Variants in NKAIN3 observed in about 807,000 individuals in gnomAD.
NKAIN3 encodes sodium/potassium transporting ATPase interacting 3.
A neutral mutation model predicts 30.2 loss-of-function variants in NKAIN3; 25 were observed. The observed-to-expected ratio is 0.83, with a 90% CI of 0.60 to 1.16. NKAIN3 has a LOEUF of 1.16. NKAIN3 is among the 50% of genes most tolerant of loss of function. The probability of loss-of-function intolerance (pLI) is 0.00; values close to 1 mark genes in which losing one functional copy is unlikely to be tolerated. For synonymous variants in NKAIN3, 91 were observed against 89.6 expected (o/e 1.02, Z -0.09); for missense variants, 225 against 254.1 (o/e 0.89, Z 0.78).
At chr8:62,770,448 G>A (rs1294217266) in intron 4 of NKAIN3, among the ~76,000 whole-genome samples, 1 of 152,128 alleles carries the variant, frequency 6.6e-6, no homozygotes, top group Non-Finnish European at 1.5e-5. Flanking sequence ...CTAAGATCAA[G>A]GTACCAGCAG....
At chr8:62,821,713 T>C (rs954651445) in intron 4 of NKAIN3, among the ~76,000 whole-genome samples, 3 of 152,152 alleles carry the variant, frequency 2.0e-5, no homozygotes, top group African/African-American at 4.8e-5. Context: ...AAATATGACA[T>C]ATAAGCTTGC....
chr8:62,600,868 C>T (rs982946373), intron 3 of NKAIN3, among the ~76,000 whole-genome samples: 4 of 152,088 alleles, frequency 2.6e-5, no homozygotes, highest in East Asian at 1.9e-4. Flanking sequence ...AGTTCTTCCT[C>T]TTCAAGGCTC....
At chr8:62,519,264 G>A (rs1002461626) in intron 1 of NKAIN3, among the ~76,000 whole-genome samples, 3 of 152,070 alleles carry the variant, frequency 2.0e-5, no homozygotes, top group Non-Finnish European at 4.4e-5. Flanking sequence ...TTCTCATGAT[G>A]ATTCATTAGA....
intron 1 of NKAIN3, among the ~76,000 whole-genome samples, chr8:62,252,456 A>T (rs1002848363): frequency 6.6e-6 from 1 of 152,192 alleles, no homozygotes; most frequent in Non-Finnish European, 1.5e-5. Context: ...ATCCTTTTCA[A>T]GCTAGTATCT....
At chr8:62,344,489 CTAGA>C (rs1385711802) in intron 1 of NKAIN3, among the ~76,000 whole-genome samples, 1 of 151,958 alleles carries the variant, frequency 6.6e-6, no homozygotes, top group Non-Finnish European at 1.5e-5. Context: ...CCTTATTTAG[CTAGA>C]TAGCTTAATA....
At chr8:62,948,994 T>C (rs1823204860) in intron 5 of NKAIN3, among the ~76,000 whole-genome samples, 1 of 152,192 alleles carries the variant, frequency 6.6e-6, no homozygotes, top group South Asian at 2.1e-4. Context: ...AGCATTTCCA[T>C]AAGAGAAGGG....
Position 62,923,564 on chromosome 8 carries a change from G to A in NKAIN3, c.532+5051G>A, listed in dbSNP as rs151055340. 1.1e-3 allele frequency among the ~76,000 whole-genome samples: 162 copies of A among 152,216 alleles called. 1 individual carries two copies. The highest frequency in any genetic ancestry group is 3.5e-3 in the African/African-American group (146 of 41,520). On this transcript the variant is annotated intron_variant, in intron 5 of 6. Coordinates refer to ENST00000623646, the MANE Select transcript of NKAIN3 (RefSeq NM_001304533.3). ...TATTTTTAGTAATTTTGAAAATCAA[G>A]GTATAGGGAGATAAAGTAAACATCC...
intron 6 of NKAIN3, among the ~76,000 whole-genome samples, chr8:62,955,535 G>GA (rs541512320): frequency 0.017 from 2,584 of 147,678 alleles, 55 homozygotes; most frequent in African/African-American, 0.054. Context: ...TCTCCACTGT[G>GA]AAAAAAAAAA....
intron 4 of NKAIN3, among the ~76,000 whole-genome samples, chr8:62,878,436 A>G (rs969957400): frequency 6.6e-6 from 1 of 151,646 alleles, no homozygotes; most frequent in Non-Finnish European, 1.5e-5. Context: ...AAGCACCTCA[A>G]CTCCTCGGAC....
intron 4 of NKAIN3, among the ~76,000 whole-genome samples, chr8:62,802,590 G>A (rs1249388116): frequency 2.0e-5 from 3 of 152,148 alleles, no homozygotes; most frequent in South Asian, 2.1e-4. Flanking sequence ...CACCAGGCCT[G>A]CCCTAAAAGA....
intron 4 of NKAIN3, among the ~76,000 whole-genome samples, chr8:62,909,412 G>A (rs950767982): frequency 2.0e-5 from 3 of 152,096 alleles, no homozygotes; most frequent in African/African-American, 7.2e-5. Flanking sequence ...AAAGACAAAA[G>A]TTGTCTTTAA....
chr8:62,792,250 C>T, intron 4 of NKAIN3, among the ~76,000 whole-genome samples: 1 of 152,188 alleles, frequency 6.6e-6, no homozygotes, highest in Non-Finnish European at 1.5e-5. Flanking sequence ...TGTACCTCCC[C>T]CTTTTAAAGC....
intron 3 of NKAIN3, among the ~76,000 whole-genome samples, chr8:62,738,328 G>A (rs987622887): frequency 1.7e-4 from 26 of 151,972 alleles, no homozygotes; most frequent in South Asian, 4.2e-4. Flanking sequence ...GGCCAGGCAC[G>A]GTGGCTCACA....
At chr8:62,752,375 CTG>C in intron 4 of NKAIN3, among the ~76,000 whole-genome samples, 1 of 152,354 alleles carries the variant, frequency 6.6e-6, no homozygotes, top group South Asian at 2.1e-4. Flanking sequence ...ACTCCATCTA[CTG>C]AATTCTCATT....
chr8:62,370,968 TG>T (rs975246302), intron 1 of NKAIN3, among the ~76,000 whole-genome samples: 20 of 151,988 alleles, frequency 1.3e-4, no homozygotes, highest in African/African-American at 4.8e-4. Context: ...CAAGACTGTC[TG>T]TAGTAAATCT....
intron 4 of NKAIN3, among the ~76,000 whole-genome samples, chr8:62,912,735 C>A (rs571739966): frequency 6.6e-6 from 1 of 152,094 alleles, no homozygotes; most frequent in South Asian, 2.1e-4. Context: ...CATAGAGAAA[C>A]CCCATCTCTA....
At chr8:62,496,753 G>A (rs933595996) in intron 1 of NKAIN3, among the ~76,000 whole-genome samples, 56 of 152,270 alleles carry the variant, frequency 3.7e-4, no homozygotes, top group East Asian at 1.5e-3. Context: ...GAGCTAAAAC[G>A]TGTTGTATAA....
chr8:62,353,569 T>C (rs940464242), intron 1 of NKAIN3, among the ~76,000 whole-genome samples: 2 of 152,206 alleles, frequency 1.3e-5, no homozygotes, highest in African/African-American at 4.8e-5. Context: ...CTATGAGATA[T>C]AGCACTAGAT....
chr8:62,891,923 T>C (rs1821308308), intron 4 of NKAIN3, among the ~76,000 whole-genome samples: 1 of 152,146 alleles, frequency 6.6e-6, no homozygotes, highest in Non-Finnish European at 1.5e-5. Flanking sequence ...AAAGTAGGGA[T>C]GTCAGGAAAG....
Sources: gnomAD v4.1 joint callset for allele counts (sites outside exome capture counted in the v4.1 genomes callset) on GRCh38, gnomAD v4.1.1 for gene constraint, MANE v1.5 for transcripts, NCBI Gene and HGNC (gene_info 2026-07-23, HGNC 2026-07-21) for gene names.